ZC3H12B: variants seen among roughly 807,000 people sequenced by gnomAD.
ZC3H12B encodes the protein probable ribonuclease ZC3H12B.
A neutral mutation model predicts 43.9 loss-of-function variants in ZC3H12B; 7 were observed. That is an observed-to-expected ratio of 0.16 (90% CI 0.09 to 0.30). The LOEUF is 0.30. Among genes scored for constraint, ZC3H12B ranks in the 10% least tolerant of loss-of-function variants. The pLI is 1.00. For missense variants in ZC3H12B, 475 were observed against 670.2 expected (o/e 0.71, Z 3.22); for synonymous variants, 222 against 241.7 (o/e 0.92, Z 0.76).
chrX:65,060,758 C>T, the ZC3H12B span, among the ~76,000 whole-genome samples: 1 of 112,273 alleles, frequency 8.9e-6, no homozygotes, highest in Admixed American at 9.4e-5. Context: ...AGCCAACAAA[C>T]ATATGAAGAA....
the ZC3H12B span, among the ~76,000 whole-genome samples, chrX:65,226,314 C>T: frequency 2.7e-5 from 3 of 111,054 alleles, no homozygotes; most frequent in Middle Eastern, 4.6e-3. Context: ...TACAGACAAG[C>T]AAATGCTGAG....
the ZC3H12B span, among the ~76,000 whole-genome samples, chrX:65,197,747 C>T: frequency 8.9e-6 from 1 of 112,230 alleles, no homozygotes; most frequent in East Asian, 2.8e-4. Context: ...ATGGAAAAGC[C>T]GCAGTCTGGT....
chrX:65,154,070 G>A, the ZC3H12B span, among the ~76,000 whole-genome samples: 289 of 110,480 alleles, frequency 2.6e-3, 1 homozygote, highest in East Asian at 0.043. Flanking sequence ...TCACACTCTG[G>A]GGACTGTTGT....
At chrX:65,348,278 A>G in the ZC3H12B span, among the ~76,000 whole-genome samples, 1 of 112,029 alleles carries the variant, frequency 8.9e-6, no homozygotes, top group African/African-American at 3.2e-5. Flanking sequence ...AAATAAGCTA[A>G]GGAGAAATAA....
At chrX:65,390,406 T>TA (rs370831915) in intron 2 of ZC3H12B, among the ~76,000 whole-genome samples, 3 of 108,907 alleles carry the variant, frequency 2.8e-5, no homozygotes, top group Non-Finnish European at 3.8e-5. Context: ...AAGTATAATT[T>TA]AAAAAAAAAG....
chrX:65,401,733 T>C (rs1459543850), intron 3 of ZC3H12B, among the ~76,000 whole-genome samples: 1 of 111,739 alleles, frequency 8.9e-6, no homozygotes, highest in Non-Finnish European at 1.9e-5. Flanking sequence ...CCTTGCATCT[T>C]AGATACCACC....
chrX:65,336,492 G>A, the ZC3H12B span, among the ~76,000 whole-genome samples: 1 of 112,210 alleles, frequency 8.9e-6, no homozygotes, highest in African/African-American at 3.2e-5. Context: ...ACAGATATTA[G>A]CCACTCTGCT....
the ZC3H12B span, among the ~76,000 whole-genome samples, chrX:65,233,482 A>G: frequency 9.1e-6 from 1 of 110,414 alleles, no homozygotes; most frequent in Non-Finnish European, 1.9e-5. Context: ...AATTAAACAA[A>G]TGTGCTCCTG....
chrX:65,282,456 G>A, the ZC3H12B span, among the ~76,000 whole-genome samples: 12 of 111,579 alleles, frequency 1.1e-4, no homozygotes, highest in African/African-American at 3.9e-4. Context: ...AAAATAAAAG[G>A]CATCTAAGTC....
chrX:65,055,363 G>C, the ZC3H12B span, among the ~76,000 whole-genome samples: 1 of 111,662 alleles, frequency 9.0e-6, no homozygotes. Flanking sequence ...TTTGTCATTG[G>C]TTCTGTTTAT....
At chrX:65,100,361 A>G in the ZC3H12B span, among the ~76,000 whole-genome samples, 6 of 108,098 alleles carry the variant, frequency 5.6e-5, no homozygotes, top group Admixed American at 1.0e-4. Context: ...ACAGGCCAAC[A>G]TTCAAATTCA....
the ZC3H12B span, among the ~76,000 whole-genome samples, chrX:65,067,280 C>T: frequency 9.0e-6 from 1 of 111,662 alleles, no homozygotes; most frequent in South Asian, 3.8e-4. Context: ...TGTAGGCACC[C>T]AAAGGAATCT....
chrX:65,083,931 A>G, the ZC3H12B span, among the ~76,000 whole-genome samples: 3 of 111,864 alleles, frequency 2.7e-5, no homozygotes, highest in Non-Finnish European at 5.6e-5. Flanking sequence ...ATGGAACAGA[A>G]TAGAGAACCC....
chrX:65,132,049 A>T, the ZC3H12B span, among the ~76,000 whole-genome samples: 1 of 111,698 alleles, frequency 9.0e-6, no homozygotes, highest in Non-Finnish European at 1.9e-5. Context: ...AGCTGCTGGG[A>T]CTGATGGGTG....
chrX:65,359,678 A>G, the ZC3H12B span, among the ~76,000 whole-genome samples: 7 of 112,632 alleles, frequency 6.2e-5, no homozygotes, highest in Admixed American at 1.9e-4. Context: ...CTTTTTATGT[A>G]TGAGCAAAGA....
At chrX:65,280,846 A>G in the ZC3H12B span, among the ~76,000 whole-genome samples, 3 of 111,944 alleles carry the variant, frequency 2.7e-5, no homozygotes, top group Non-Finnish European at 1.9e-5. Context: ...GAAAGACTAC[A>G]TGGACAACTA....
chrX:65,265,487 A>G, the ZC3H12B span, among the ~76,000 whole-genome samples: 3 of 112,044 alleles, frequency 2.7e-5, no homozygotes, highest in Non-Finnish European at 3.8e-5. Context: ...AATTTTAGTG[A>G]AAATTGAATG....
the ZC3H12B span, among the ~76,000 whole-genome samples, chrX:65,035,029 C>T: frequency 1.8e-5 from 2 of 112,432 alleles, no homozygotes; most frequent in Admixed American, 9.2e-5. Context: ...CGAGCGCCTT[C>T]CCCCCATCGC....
chrX:65,403,446 G>T (rs1569395987), intron 3 of ZC3H12B, among the ~76,000 whole-genome samples: 1 of 111,658 alleles, frequency 9.0e-6, no homozygotes, highest in Non-Finnish European at 1.9e-5. Flanking sequence ...TTCAAACCTA[G>T]AGAAAGTTAT....
Sources: gnomAD v4.1 joint callset for allele counts (sites outside exome capture counted in the v4.1 genomes callset) on GRCh38, gnomAD v4.1.1 for gene constraint, MANE v1.5 for transcripts, NCBI Gene and HGNC (gene_info 2026-07-23, HGNC 2026-07-21) for gene names.